The following ARMCX5 variants were observed in gnomAD, a reference collection of about 807,000 sequenced individuals.
ARMCX5 encodes armadillo repeat containing X-linked 5, also known as armadillo repeat-containing X-linked protein 5.
ARMCX5 carries 1 observed loss-of-function variant against 7.5 expected under a neutral mutation model. The ratio of observed to expected loss-of-function variants is 0.13; its 90% CI spans 0.05 to 0.63. ARMCX5 has a LOEUF of 0.63. ARMCX5 is among the 30% of genes least tolerant of loss of function. ARMCX5 has a pLI of 0.86. For missense variants in ARMCX5, 346 were observed against 402.2 expected, an observed-to-expected ratio of 0.86 and a Z score of 1.19; for synonymous variants, 149 against 145.7, an observed-to-expected ratio of 1.02 and a Z score of -0.16.
chrX:102,603,356 G>A lies in ARMCX5; in HGVS notation c.1215G>A (p.Leu405=), dbSNP rs748557719. 9 of 1,210,672 alleles carry A rather than the reference G, an allele frequency of 7.4e-6. No individual in the cohort carries two copies. The highest frequency in any genetic ancestry group is 8.9e-6 in the Non-Finnish European group (8 of 894,861). ...QVCKGIISCP[L]NSPVQLAGLK... ...GTAAAGGCATAATCTCTTGCCCCTT[G>A]AACTCCCCTGTGCAGCTGGCTGGAC... The change falls in exon 4 of 4, where the codon TTG becomes TTA. Residue 405 remains leucine, a synonymous_variant. Transcript: ENST00000473968.
chrX:102,602,421 A>G lies in ARMCX5; in HGVS notation c.280A>G (p.Thr94Ala), dbSNP rs766719928. Residue 94 changes from threonine (T) to alanine (A), a missense_variant, in exon 4 of 4, where the codon ACA (threonine) becomes GCA (alanine). Thr to Ala is a moderately conservative substitution (Grantham distance 58). Transcript: ENST00000473968. ...GACTAGAGTCATGGTTGAGACTAAG[A>G]CAAAACCCCTGGCAGAACGCAGTAT... ...TKTRVMVETK[T>A]KPLAERSIVP... is the part of the protein sequence containing the mutation. 2 of 1,211,888 alleles carry G rather than the reference A, an allele frequency of 1.7e-6. No homozygotes were observed. Among genetic ancestry groups the G allele is most frequent in the Non-Finnish European group, 2.2e-6 (2 of 895,509 alleles).
In ARMCX5 at chrX:102,602,717, C is replaced by T. The variant is rs766378329; in HGVS notation, c.576C>T (p.Thr192=). 2.5e-6 allele frequency: 3 copies of T among 1,207,612 alleles called. No individual in the cohort carries two copies. The highest frequency in any genetic ancestry group is 3.0e-5 in the East Asian group (1 of 33,710). ...VGSWFWPEEE[T]SLQVYKPLPK... is the part of the protein sequence containing the mutation. ...CCTGGTTCTGGCCTGAAGAAGAGAC[C>T]TCTCTTCAAGTTTATAAGCCCCTAC... The change falls in exon 4 of 4, where the codon ACC becomes ACT. Residue 192 remains threonine (T), a synonymous_variant. Transcript: ENST00000473968.
intron 3 of ARMCX5, 139 bp from the exon 4 acceptor site, chrX:102,601,737 TGAAG>T (rs2081042993): frequency 7.6e-6 from 1 of 132,019 alleles, no homozygotes; most frequent in Non-Finnish European, 1.5e-5. Flanking sequence ...GTGGGTGAAA[TGAAG>T]GGAGAGAGAG....
chrX:102,603,901 A>G lies in ARMCX5; in HGVS notation c.*83A>G. 1 of 632,426 alleles carries G rather than the reference A, an allele frequency of 1.6e-6. No individual in the cohort carries two copies. 52.1% of individuals were successfully genotyped at this position (632,426 alleles called of 1,213,427 possible). On this transcript the variant is annotated 3_prime_UTR_variant, in exon 4 of 4. Coordinates refer to ENST00000473968, the MANE Select transcript of ARMCX5 (RefSeq NM_001168478.2). ...AATGCATATTGTAATTATAAATTCAATACTTATGTTTTCCATGTTGATTGA... is the reference window on the plus strand; with the variant it reads ...AATGCATATTGTAATTATAAATTCAGTACTTATGTTTTCCATGTTGATTGA...
At position 102,602,163 on chromosome X, in the gene ARMCX5, G is replaced by A; in HGVS notation, c.22G>A (p.Ala8Thr). MVDSGTE[A>T]RARGKAEAGL... ...GAACATGGTTGACTCTGGGACAGAA[G>A]CAAGGGCTAGAGGAAAGGCTGAGGC... Residue 8 changes from alanine to threonine, a missense_variant, in exon 4 of 4, where the codon GCA becomes ACA. Ala to Thr is a moderately conservative substitution (Grantham distance 58). Coordinates refer to ENST00000473968, the MANE Select transcript of ARMCX5 (RefSeq NM_001168478.2). The A allele has an allele frequency of 8.3e-7, 1 of 1,206,100 alleles. No homozygotes were observed. Among genetic ancestry groups the A allele is most frequent in the South Asian group, 1.8e-5 (1 of 55,893 alleles).
Position 102,602,632 on chromosome X carries a change from A to G in ARMCX5, c.491A>G (p.Asp164Gly). The stretch of plus-strand genomic sequence containing the variant: ...ACCAGCATTGGGATGAAATCCAGTG[A>G]TGAGGATGAAGAAAATATATGCTCC... Reference protein sequence around the residue: ...EETSIGMKSSDEDEENICSWF... With the variant: ...EETSIGMKSSGEDEENICSWF... The change falls in exon 4 of 4, where the codon GAT becomes GGT. Residue 164 changes from aspartate (D) to glycine (G), a missense_variant. Physicochemically the swap from Asp to Gly is moderately conservative, Grantham distance 94. Coordinates refer to ENST00000473968, the MANE Select transcript of ARMCX5 (RefSeq NM_001168478.2). 8.3e-7 allele frequency: 1 copy of G among 1,210,619 alleles called. No homozygotes were observed. The highest frequency in any genetic ancestry group is 1.1e-6 in the Non-Finnish European group (1 of 894,540).
At chrX:102,599,250 CAGTT>C (rs2147597316), upstream of ARMCX5, 1 of 111,199 alleles carries the variant, frequency 9.0e-6, no homozygotes, top group East Asian at 2.8e-4. Context: ...ATGTGCATTT[CAGTT>C]CAGGAAAGAA....
chrX:102,602,846 T>G lies in ARMCX5; in HGVS notation c.705T>G (p.Val235=). The change falls in exon 4 of 4, where the codon GTT becomes GTG. Residue 235 remains valine, a synonymous_variant. Transcript: ENST00000473968. ...CCAGGTATATTGTCCTAGTTCCAGTTGAAGGAGGGGAGCAATCCTTGCCTC... is the reference window on the plus strand; with the variant it reads ...CCAGGTATATTGTCCTAGTTCCAGTGGAAGGAGGGGAGCAATCCTTGCCTC... ...SRARYIVLVP[V]EGGEQSLPPE... The G allele has an allele frequency of 8.3e-7, 1 of 1,210,269 alleles. No homozygotes were observed. The highest frequency in any genetic ancestry group is 1.1e-6 in the Non-Finnish European group (1 of 894,140).
At chrX:102,600,009 C>T (rs1246983339) in intron 1 of ARMCX5, 162 bp downstream of exon 1, 1 of 105,301 alleles carries the variant, frequency 9.5e-6, no homozygotes, top group African/African-American at 3.5e-5. Context: ...CTTTTGCTAG[C>T]TTGATTTCCA....
Position 102,601,482 on chromosome X carries a change from T to A in ARMCX5, c.-290T>A, listed in dbSNP as rs1445693878. Reference sequence around the variant, plus strand: ...TCCATAGGTCTGCCTGTAGATCTGCTGTAGGGCTTGTCACCATTGGAAGCA... The same window carrying A: ...TCCATAGGTCTGCCTGTAGATCTGCAGTAGGGCTTGTCACCATTGGAAGCA... On this transcript the variant is annotated 5_prime_UTR_variant, in exon 3 of 4. Transcript: ENST00000473968. The A allele has an allele frequency of 8.9e-6, 1 of 111,912 alleles. No homozygotes were observed. The highest frequency in any genetic ancestry group is 1.9e-5 in the Non-Finnish European group (1 of 53,346). The allele number at this position is 111,912 out of a possible 1,213,427, so 9.2% of individuals were successfully genotyped here.
At position 102,602,160 on chromosome X, in the gene ARMCX5, G is replaced by C. The variant is rs752178410; in HGVS notation, c.19G>C (p.Glu7Gln). 6.6e-6 allele frequency: 8 copies of C among 1,204,166 alleles called. No individual in the cohort carries two copies. Among genetic ancestry groups the C allele is most frequent in the Non-Finnish European group, 2.2e-6 (2 of 891,718 alleles). The change falls in exon 4 of 4, where the codon GAA becomes CAA. Residue 7 changes from glutamate (E) to glutamine (Q), a missense_variant. This residue lies in a region of ARMCX5 where 204 missense variants were observed against 244.3 expected (regional missense o/e 0.83). Transcript: ENST00000473968. Reference protein sequence around the residue: MVDSGTEARARGKAEAG... With the variant: MVDSGTQARARGKAEAG... ...TTGGAACATGGTTGACTCTGGGACA[G>C]AAGCAAGGGCTAGAGGAAAGGCTGA... is the stretch of plus-strand genomic sequence containing the variant.
Sources: allele counts gnomAD v4.1 joint callset, GRCh38; gene constraint gnomAD v4.1.1; regional missense constraint gnomAD v4.1.1; transcripts MANE v1.5; gene names NCBI Gene and HGNC (gene_info 2026-07-23, HGNC 2026-07-21).